The following MSH6 variants were observed in gnomAD, a reference collection of about 807,000 sequenced individuals.
MSH6 encodes the protein mutS homolog 6.
MSH6 carries 85 observed loss-of-function variants against 119.1 expected under a neutral mutation model. The ratio of observed to expected loss-of-function variants is 0.71; its 90% CI spans 0.60 to 0.85. The LOEUF is 0.85. MSH6 is among the 40% of genes least tolerant of loss of function. MSH6 has a pLI of 0.00. For synonymous variants in MSH6, 830 were observed against 586.9 expected (o/e 1.41, Z -5.99); for missense variants, 2,163 against 1,655.3 (o/e 1.31, Z -5.32).
Position 47,800,251 on chromosome 2 carries a change from A to T in MSH6, c.2268A>T (p.Gly756=), listed in dbSNP as rs142246608. 1 of 1,614,212 alleles carries T rather than the reference A, an allele frequency of 6.2e-7. No individual in the cohort carries two copies. Among genetic ancestry groups the T allele is most frequent in the East Asian group, 2.2e-5 (1 of 44,880 alleles). ...ATGGAACAAATGGTTCTACTGAAGG[A>T]ACCCTACTAGAGAGGGTTGATACTT... ...FLNGTNGSTE[G]TLLERVDTCH... is the part of the protein sequence containing the mutation. Residue 756 remains glycine (G), a synonymous_variant, in exon 4 of 10, where the codon GGA becomes GGT. Coordinates refer to ENST00000234420, the MANE Select transcript of MSH6 (RefSeq NM_000179.3).
rs772978164 is a variant in MSH6 at position 47,800,801 on chromosome 2, G to C, written c.2818G>C (p.Ala940Pro). ...AGGCTTTGACTCTGATTATGACCAA[G>C]CTCTTGCTGACATAAGAGAAAATGA... The part of the protein sequence containing the change: ...KAGFDSDYDQ[A>P]LADIRENEQS... The change falls in exon 4 of 10, where the codon GCT (alanine) becomes CCT (proline). Residue 940 changes from alanine (A) to proline (P), a missense_variant. By Grantham distance (27) the Ala-to-Pro change is conservative. Coordinates refer to ENST00000234420, the MANE Select transcript of MSH6 (RefSeq NM_000179.3). The C allele has an allele frequency of 6.2e-7, 1 of 1,613,998 alleles. No individual in the cohort carries two copies.
At chr2:47,788,900 CTTCTTCCTTTTTT>C (rs1229626731) in intron 1 of MSH6, among the ~76,000 whole-genome samples, 1 of 47,292 alleles carries the variant, frequency 2.1e-5, no homozygotes, top group African/African-American at 8.0e-5. Flanking sequence ...TTCTTTCTTT[CTTCTTCCTTTTTT>C]TTTTTTTTGT....
At chr2:47,806,062 C>CTAAACAAGGCCTATTTATA in intron 7 of MSH6, 142 bp from the exon 8 acceptor site, 3 of 824,142 alleles carry the variant, frequency 3.6e-6, no homozygotes, top group Non-Finnish European at 6.1e-6. Flanking sequence ...ACTCGTGTAG[C>CTAAACAAGGCCTATTTATA]TAAACAAGGC....
chr2:47,786,080 C>T (rs1473882844), intron 1 of MSH6, among the ~76,000 whole-genome samples: 1 of 152,088 alleles, frequency 6.6e-6, no homozygotes, highest in Non-Finnish European at 1.5e-5. Context: ...GGAAAGGGGA[C>T]GGAGAGGATG....
chr2:47,809,446 A>G (rs946924559), downstream of MSH6: 9 of 689,630 alleles, frequency 1.3e-5, no homozygotes, highest in African/African-American at 1.6e-4. Context: ...AAGATACTCC[A>G]ACCATTTAGA....
Position 47,806,897 on chromosome 2 carries a change from A to G in MSH6, c.*37A>G, listed in dbSNP as rs368491299. 13 of 1,440,432 alleles carry G rather than the reference A, an allele frequency of 9.0e-6. No homozygotes were observed. Among genetic ancestry groups the G allele is most frequent in the Non-Finnish European group, 1.3e-5 (13 of 1,023,274 alleles). The allele number at this position is 1,440,432 out of a possible 1,614,324, so 89.2% of individuals were successfully genotyped here. A position where few individuals can be genotyped will look rare whatever the true frequency, so the allele number is the denominator to read the frequency against. On this transcript the variant is annotated 3_prime_UTR_variant, in exon 10 of 10. Transcript: ENST00000234420. ...TGGAAGCTTTGAGTTGACTTCTGAC[A>G]AAGGTGGTAAATTCAGACAACATTA...
downstream of MSH6, chr2:47,808,011 A>T: frequency 9.8e-7 from 1 of 1,020,420 alleles, no homozygotes; most frequent in Non-Finnish European, 1.4e-6. Context: ...ATCCATTTTT[A>T]ATACAGTCTC....
In MSH6 at chr2:47,783,246, A is replaced by T; in HGVS notation, c.13A>T (p.Ser5Cys). The change falls in exon 1 of 10, where the codon AGC becomes TGC. Residue 5 changes from serine (S) to cysteine (C), a missense_variant. Coordinates refer to ENST00000234420, the MANE Select transcript of MSH6 (RefSeq NM_000179.3). ...GCCGGCTGTCGGTATGTCGCGACAG[A>T]GCACCCTGTACAGCTTCTTCCCCAA... MSRQSTLYSFFPKSP... is the reference protein window; with the variant it reads MSRQCTLYSFFPKSP... 1 of 1,611,550 alleles carries T rather than the reference A, an allele frequency of 6.2e-7. No homozygotes were observed. The highest frequency in any genetic ancestry group is 8.5e-7 in the Non-Finnish European group (1 of 1,179,410).
At chr2:47,797,659 G>A (rs1669178429) in intron 3 of MSH6, among the ~76,000 whole-genome samples, 1 of 152,224 alleles carries the variant, frequency 6.6e-6, no homozygotes, top group South Asian at 2.1e-4. Context: ...AGTTAGAGGT[G>A]GGGTCTCACC....
intron 1 of MSH6, among the ~76,000 whole-genome samples, chr2:47,786,787 C>G (rs1220693063): frequency 6.6e-6 from 1 of 151,356 alleles, no homozygotes; most frequent in African/African-American, 2.4e-5. Context: ...TGAGTTCTTT[C>G]ATTTAGTTTA....
intron 1 of MSH6, among the ~76,000 whole-genome samples, chr2:47,788,803 C>G (rs543652183): frequency 6.6e-6 from 1 of 150,712 alleles, no homozygotes; most frequent in Non-Finnish European, 1.5e-5. Flanking sequence ...AACTCCTGAC[C>G]TCAGGTGATC....
Position 47,806,379 on chromosome 2 carries a change from T to C in MSH6, c.3801+21T>C, listed in dbSNP as rs34315174. On this transcript the variant is annotated intron_variant, in intron 8 of 9. Transcript: ENST00000234420. Reference sequence around the variant, plus strand: ...ATATGGTATGTGCAAATTGTTTTTTTCCACAAATTCGGTTTTTTGAGAGGG... The same window carrying C: ...ATATGGTATGTGCAAATTGTTTTTTCCCACAAATTCGGTTTTTTGAGAGGG... The C allele has an allele frequency of 2.7e-4, 440 of 1,613,814 alleles. 2 individuals are homozygous for C. The African/African-American group carries it at 5.0e-3, about 18-fold the overall frequency.
chr2:47,786,719 C>CT (rs149544395), intron 1 of MSH6, among the ~76,000 whole-genome samples: 21,454 of 150,016 alleles, frequency 0.14, 1,735 homozygotes, highest in Non-Finnish European at 0.19. Context: ...TTTGCTGTTT[C>CT]TTTTTTTTTT....
At chr2:47,783,616 C>A in intron 1 of MSH6, 123 bp downstream of exon 1, 1 of 1,040,514 alleles carries the variant, frequency 9.6e-7, no homozygotes, top group Non-Finnish European at 1.3e-6. Context: ...TCGGAGGAGG[C>A]GGGGCCGCAG....
intron 4 of MSH6, among the ~76,000 whole-genome samples, chr2:47,803,135 C>T (rs1287512408): frequency 2.0e-5 from 3 of 152,100 alleles, no homozygotes; most frequent in African/African-American, 7.2e-5. Context: ...TCAGGCTGGT[C>T]CTGAACTGCT....
Position 47,800,364 on chromosome 2 carries a change from C to G in MSH6, c.2381C>G (p.Ala794Gly), listed in dbSNP as rs2104403793. 1 of 1,614,006 alleles carries G rather than the reference C, an allele frequency of 6.2e-7. No individual in the cohort carries two copies. Among genetic ancestry groups the G allele is most frequent in the Non-Finnish European group, 8.5e-7 (1 of 1,179,996 alleles). ...TATGCTATTAATGATCGTCTAGATG[C>G]CATAGAAGACCTCATGGTTGTGCCT... Reference protein sequence around the residue: ...NHYAINDRLDAIEDLMVVPDK... With the variant: ...NHYAINDRLDGIEDLMVVPDK... Residue 794 changes from alanine (A) to glycine (G), a missense_variant, in exon 4 of 10, where the codon GCC becomes GGC. Physicochemically the swap from Ala to Gly is moderately conservative, Grantham distance 60. Coordinates refer to ENST00000234420, the MANE Select transcript of MSH6 (RefSeq NM_000179.3).
Position 47,798,832 on chromosome 2 carries a change from G to A in MSH6, c.849G>A (p.Gly283=), listed in dbSNP as rs1057520439. 1 of 1,614,058 alleles carries A rather than the reference G, an allele frequency of 6.2e-7. No individual in the cohort carries two copies. Among genetic ancestry groups the A allele is most frequent in the Admixed American group, 1.7e-5 (1 of 60,000 alleles). ...GSSDEISSGV[G]DSESEGLNSP... ...GTGATGAAATAAGCAGTGGAGTGGG[G>A]GATAGTGAGAGTGAAGGCCTGAACA... is the stretch of plus-strand genomic sequence containing the variant. The change falls in exon 4 of 10, where the codon GGG becomes GGA. Residue 283 remains glycine, a synonymous_variant. Coordinates refer to ENST00000234420, the MANE Select transcript of MSH6 (RefSeq NM_000179.3).
chr2:47,801,361 G>GTGTTT (rs1669576462), intron 4 of MSH6: 1 of 84,402 alleles, frequency 1.2e-5, no homozygotes, highest in African/African-American at 6.0e-5. Flanking sequence ...CCTTTCTTCA[G>GTGTTT]TTTTTTTTTT....
intron 2 of MSH6, among the ~76,000 whole-genome samples, chr2:47,795,203 A>G (rs931561272): frequency 1.3e-5 from 2 of 152,212 alleles, no homozygotes; most frequent in Non-Finnish European, 2.9e-5. Flanking sequence ...AAGACAGACT[A>G]AGTAGTCCTG....
Sources: allele counts gnomAD v4.1 joint callset (sites outside exome capture counted in the v4.1 genomes callset), GRCh38; gene constraint gnomAD v4.1.1; transcripts MANE v1.5; gene names NCBI Gene and HGNC (gene_info 2026-07-23, HGNC 2026-07-21).